BRMS1: variants seen among roughly 807,000 people sequenced by gnomAD.
The protein encoded by BRMS1 is breast cancer metastasis-suppressor 1.
Under a neutral mutation model 40.4 loss-of-function variants are expected in BRMS1, and 26 were observed. The ratio of observed to expected loss-of-function variants is 0.64; its 90% CI spans 0.47 to 0.89. The LOEUF (loss-of-function observed/expected upper bound fraction) is 0.89, where lower values mean the gene tolerates loss of function less well. Among genes scored for constraint, BRMS1 ranks in the 40% least tolerant of loss-of-function variants. The pLI is 0.00. For missense variants in BRMS1, 289 were observed against 309.4 expected (o/e 0.93, Z 0.49); for synonymous variants, 103 against 116.0 (o/e 0.89, Z 0.72).
intron 1 of BRMS1, among the ~76,000 whole-genome samples, chr11:66,343,456 A>G (rs1362055538): frequency 6.6e-6 from 1 of 152,182 alleles, no homozygotes; most frequent in African/African-American, 2.4e-5. Flanking sequence ...CCTGGGAGAC[A>G]GGGGCAAAGG....
chr11:66,341,078 G>C lies in BRMS1; in HGVS notation c.359-32C>G. 6.2e-7 allele frequency: 1 copy of C among 1,612,914 alleles called. No individual in the cohort carries two copies. Among genetic ancestry groups the C allele is most frequent in the Non-Finnish European group, 8.5e-7 (1 of 1,179,620 alleles). On this transcript the variant is annotated intron_variant, in intron 4 of 9. Coordinates refer to ENST00000359957, the MANE Select transcript of BRMS1 (RefSeq NM_015399.4). The surrounding 1 kb of genome is among the most constrained non-coding windows in gnomAD (Gnocchi z 4.9). ...AGAAAGGGAGGAGGGTCCCTGCTTGGCTGGGGAGCCCGGTGCCCACATAGG... is the reference window on the plus strand; with the variant it reads ...AGAAAGGGAGGAGGGTCCCTGCTTGCCTGGGGAGCCCGGTGCCCACATAGG...
chr11:66,341,870 C>T lies in BRMS1; in HGVS notation c.139+226G>A. The T allele has an allele frequency of 1.6e-6, 1 of 642,520 alleles. No homozygotes were observed. Among genetic ancestry groups the T allele is most frequent in the Non-Finnish European group, 2.7e-6 (1 of 367,738 alleles). The allele number at this position is 642,520 out of a possible 1,614,324, so 39.8% of individuals were successfully genotyped here. A position where few individuals can be genotyped will look rare whatever the true frequency, so the allele number is the denominator to read the frequency against. On this transcript the variant is annotated intron_variant, in intron 2 of 9. Transcript: ENST00000359957. The surrounding 1 kb of genome is among the most constrained non-coding windows in gnomAD (Gnocchi z 4.9). ...GTGCACGTGTACTTGTGTGAAGGGG[C>T]TGTGTGTGTGCATACGTGCTTGTGT...
At chr11:66,339,141 C>G (rs1446050437) in intron 7 of BRMS1, among the ~76,000 whole-genome samples, 2 of 152,208 alleles carry the variant, frequency 1.3e-5, no homozygotes, top group Non-Finnish European at 1.5e-5. Context: ...ACTCTCCCTC[C>G]CCCAGTGCTC....
At position 66,341,734 on chromosome 11, in the gene BRMS1, C is replaced by CTG. The variant is rs991180991; in HGVS notation, c.140-113_140-112dup. On this transcript the variant is annotated intron_variant, in intron 2 of 9. Coordinates refer to ENST00000359957, the MANE Select transcript of BRMS1 (RefSeq NM_015399.4). This position sits in a 1 kb window ranked among gnomAD's most constrained non-coding sequence, Gnocchi z 4.9. ...GTGCATGCATGCCTGTGTGTAGGGC[C>CTG]TGTGTGTGTGTGCGCGTACATGCTT... is the stretch of plus-strand genomic sequence containing the variant. The CTG allele has an allele frequency of 2.7e-4, 247 of 926,646 alleles. No individual in the cohort carries two copies. The highest frequency in any genetic ancestry group is 1.4e-3 in the African/African-American group (87 of 62,016). 57.4% of individuals were successfully genotyped at this position (926,646 alleles called of 1,614,324 possible). A position where few individuals can be genotyped will look rare whatever the true frequency, so the allele number is the denominator to read the frequency against.
Position 66,337,432 on chromosome 11 carries a change from C to G in BRMS1, c.*450G>C. On this transcript the variant is annotated 3_prime_UTR_variant, in exon 10 of 10. Transcript: ENST00000359957. ...ACCTGGGGGGCCTGGCATCTTGCCT[C>G]CAGATCCAGCCAGGGTGGACAGACC... 2.0e-6 allele frequency: 1 copy of G among 507,614 alleles called. No homozygotes were observed. Among genetic ancestry groups the G allele is most frequent in the South Asian group, 3.5e-5 (1 of 28,754 alleles). 31.4% of individuals were successfully genotyped at this position (507,614 alleles called of 1,614,324 possible).
intron 1 of BRMS1, 49 bp from the exon 2 acceptor site, chr11:66,342,290 G>T: frequency 6.3e-7 from 1 of 1,599,762 alleles, no homozygotes; most frequent in Non-Finnish European, 8.5e-7. Flanking sequence ...CAGCTCAGAG[G>T]GGGAAAGAGG....
chr11:66,341,276 C>T lies in BRMS1; in HGVS notation c.288G>A (p.Glu96=). The change falls in exon 4 of 10, where the codon GAG becomes GAA. Residue 96 remains glutamate (E), a synonymous_variant. Coordinates refer to ENST00000359957, the MANE Select transcript of BRMS1 (RefSeq NM_015399.4). This position sits in a 1 kb window ranked among gnomAD's most constrained non-coding sequence, Gnocchi z 4.9. The part of the protein sequence containing the change: ...LRLRLEEVGA[E]RAPEYTEPLG... ...GGGGCTCCGTGTATTCAGGGGCTCT[C>T]TCAGCCCCCACTTCCTCCAGCCGCA... is the stretch of plus-strand genomic sequence containing the variant. The T allele has an allele frequency of 6.2e-7, 1 of 1,613,692 alleles. No individual in the cohort carries two copies. Among genetic ancestry groups the T allele is most frequent in the Non-Finnish European group, 8.5e-7 (1 of 1,179,794 alleles).
rs761069954 is a variant in BRMS1, at chr11:66,341,377, C to T, written c.231-44G>A. 49 of 1,602,816 alleles carry T rather than the reference C, an allele frequency of 3.1e-5. No homozygotes were observed. The South Asian group carries it at 3.1e-4, about 10-fold the overall frequency. On this transcript the variant is annotated intron_variant, in intron 3 of 9. Transcript: ENST00000359957. This position sits in a 1 kb window ranked among gnomAD's most constrained non-coding sequence, Gnocchi z 4.9. ...GCCGTGCACCCATTTGCTCACCCAT[C>T]GCTCTTGGGCAAACACATACCCAGC...
Position 66,341,586 on chromosome 11 carries a change from C to A in BRMS1, c.177G>T (p.Glu59Asp). ...DDEDYERRRS[E>D]CVSEMLDLEK... Reference sequence around the variant, plus strand: ...CTAGGTCCAGCATCTCACTGACACACTCGCTGCGGCGTCGCTCATAGTCCT... The same window carrying A: ...CTAGGTCCAGCATCTCACTGACACAATCGCTGCGGCGTCGCTCATAGTCCT... Residue 59 changes from glutamate (E) to aspartate (D), a missense_variant, in exon 3 of 10, where the codon GAG becomes GAT. Coordinates refer to ENST00000359957, the MANE Select transcript of BRMS1 (RefSeq NM_015399.4). The surrounding 1 kb of genome is among the most constrained non-coding windows in gnomAD (Gnocchi z 4.9). 6.2e-7 allele frequency: 1 copy of A among 1,614,134 alleles called. No homozygotes were observed. The highest frequency in any genetic ancestry group is 8.5e-7 in the Non-Finnish European group (1 of 1,180,022).
intron 7 of BRMS1, among the ~76,000 whole-genome samples, chr11:66,339,293 G>C (rs1025234675): frequency 1.3e-5 from 2 of 152,192 alleles, no homozygotes; most frequent in African/African-American, 2.4e-5. Context: ...ACCCTCAGGG[G>C]TGCAGGAGGA....
Position 66,342,119 on chromosome 11 carries a change from G to T in BRMS1, c.116C>A (p.Thr39Lys). 6.2e-7 allele frequency: 1 copy of T among 1,613,618 alleles called. No individual in the cohort carries two copies. Residue 39 changes from threonine (T) to lysine (K), a missense_variant, in exon 2 of 10, where the codon ACA (threonine) becomes AAA (lysine). By Grantham distance (78) the Thr-to-Lys change is moderately conservative (BLOSUM62 -1). Coordinates refer to ENST00000359957, the MANE Select transcript of BRMS1 (RefSeq NM_015399.4). The part of the protein sequence containing the change: ...ESEEERSGSQ[T>K]ESEEESSEMD... ...ACCGGAGCTCTCCTCTTCTGACTCT[G>T]TCTGGCTGCCGCTCCGCTCCTCCTC...
intron 6 of BRMS1, 72 bp from the exon 7 acceptor site, chr11:66,340,285 C>T (rs1032870421): frequency 1.5e-6 from 2 of 1,366,588 alleles, no homozygotes; most frequent in East Asian, 4.6e-5. Context: ...GCCTCTGCCT[C>T]CACCATGGGC....
chr11:66,342,065 T>TGTGTG (rs1276136250), intron 2 of BRMS1, 31 bp downstream of exon 2: 1 of 1,605,354 alleles, frequency 6.2e-7, no homozygotes, highest in Admixed American at 1.7e-5. Context: ...TCTGTGTGTG[T>TGTGTG]GTGTGTGTGT....
At chr11:66,343,432 G>A (rs1204825311) in intron 1 of BRMS1, among the ~76,000 whole-genome samples, 6 of 152,146 alleles carry the variant, frequency 3.9e-5, no homozygotes, top group Non-Finnish European at 8.8e-5. Context: ...TTGACCTCAC[G>A]GAGTTTACAA....
Position 66,341,383 on chromosome 11 carries a change from TG to T in BRMS1, c.231-51del, listed in dbSNP as rs1380853454. The T allele has an allele frequency of 6.2e-7, 1 of 1,603,532 alleles. No homozygotes were observed. Among genetic ancestry groups the T allele is most frequent in the South Asian group, 1.1e-5 (1 of 90,674 alleles). On this transcript the variant is annotated intron_variant, in intron 3 of 9. Coordinates refer to ENST00000359957, the MANE Select transcript of BRMS1 (RefSeq NM_015399.4). The surrounding 1 kb of genome is among the most constrained non-coding windows in gnomAD (Gnocchi z 4.9). The stretch of plus-strand genomic sequence containing the variant: ...CACCCATTTGCTCACCCATCGCTCT[TG>T]GGCAAACACATACCCAGCACCCATT...
At position 66,337,890 on chromosome 11, in the gene BRMS1, C is replaced by T; in HGVS notation, c.734-1G>A. 3 of 1,612,074 alleles carry T rather than the reference C, an allele frequency of 1.9e-6. No homozygotes were observed. The highest frequency in any genetic ancestry group is 2.7e-5 in the African/African-American group (2 of 74,970). On this transcript the variant is annotated splice_acceptor_variant, in intron 9 of 9. Coordinates refer to ENST00000359957, the MANE Select transcript of BRMS1 (RefSeq NM_015399.4). LOFTEE classifies it high-confidence loss of function. ...GGCTGTGAACAGCAGGGTCAAGGTCCTGTGCATATGTGGGAAGAAGAAAAC... is the reference window on the plus strand; with the variant it reads ...GGCTGTGAACAGCAGGGTCAAGGTCTTGTGCATATGTGGGAAGAAGAAAAC...
At chr11:66,342,056 C>CTG (rs56854133) in intron 2 of BRMS1, 40 bp downstream of exon 2, 29,336 of 1,472,784 alleles carry the variant, frequency 0.02, 191 homozygotes, top group African/African-American at 0.047. Context: ...TGTAGGGGCT[C>CTG]TGTGTGTGTG....
At chr11:66,339,567 T>A (rs764211393) in intron 7 of BRMS1, among the ~76,000 whole-genome samples, 1 of 151,888 alleles carries the variant, frequency 6.6e-6, no homozygotes, top group African/African-American at 2.4e-5. Flanking sequence ...GAGCAAAGGC[T>A]CCCCAGGGAA....
rs1854938771 is a variant in BRMS1 at position 66,337,394 on chromosome 11, C to G, written c.*488G>C. ...GAATCTGAGAAGCAGACACCAAGAA[C>G]TGCCCTGAGAACACCTGGGGGGCCT... On this transcript the variant is annotated 3_prime_UTR_variant, in exon 10 of 10. Transcript: ENST00000359957. 1.8e-5 allele frequency: 8 copies of G among 442,266 alleles called. No individual in the cohort carries two copies. Among genetic ancestry groups the G allele is most frequent in the Non-Finnish European group, 2.9e-5 (7 of 244,972 alleles). The allele number at this position is 442,266 out of a possible 1,614,324, so 27.4% of individuals were successfully genotyped here.
Sources: gnomAD v4.1 joint callset for allele counts (sites outside exome capture counted in the v4.1 genomes callset) on GRCh38, gnomAD v4.1.1 for gene constraint, Gnocchi (gnomAD v3.1) non-coding constraint, MANE v1.5 for transcripts, NCBI Gene and HGNC (gene_info 2026-07-23, HGNC 2026-07-21) for gene names.